The following IRAG2 variants were observed in gnomAD, a reference collection of about 807,000 sequenced individuals.
IRAG2 encodes the protein inositol 1,4,5-triphosphate receptor associated 2.
Under a neutral mutation model 69.9 loss-of-function variants are expected in IRAG2, and 45 were observed. The ratio of observed to expected loss-of-function variants is 0.64; its 90% CI spans 0.51 to 0.83. The LOEUF (loss-of-function observed/expected upper bound fraction) is 0.83, where lower values mean the gene tolerates loss of function less well. Among genes scored for constraint, IRAG2 ranks in the 40% least tolerant of loss-of-function variants. The pLI, the probability that IRAG2 is intolerant of heterozygous loss-of-function variation, is 0.00. For synonymous variants in IRAG2, 193 were observed against 202.4 expected (o/e 0.95, Z 0.40); for missense variants, 520 against 587.0 (o/e 0.89, Z 1.18).
chr12:25,058,176 G>A (rs1421121967), intron 1 of IRAG2, among the ~76,000 whole-genome samples: 1 of 152,156 alleles, frequency 6.6e-6, no homozygotes, highest in African/African-American at 2.4e-5. Flanking sequence ...CTGTCAAATG[G>A]TTTTCGGTAG....
At chr12:25,037,089 A>C (rs1027225163) in intron 15 of IRAG2, among the ~76,000 whole-genome samples, 1 of 152,172 alleles carries the variant, frequency 6.6e-6, no homozygotes, top group Non-Finnish European at 1.5e-5. Context: ...AACTTGCAGA[A>C]CATTGGAAAA....
At chr12:25,001,833 G>A (rs570691637), upstream of IRAG2, among the ~76,000 whole-genome samples, 198 of 149,172 alleles carry the variant, frequency 1.3e-3, no homozygotes, top group African/African-American at 4.7e-3. Context: ...ACAGTGGCAC[G>A]ATCTCAGCTC....
chr12:25,102,930 C>A (rs1209732676), intron 17 of IRAG2, among the ~76,000 whole-genome samples: 3 of 152,154 alleles, frequency 2.0e-5, no homozygotes, highest in Non-Finnish European at 4.4e-5. Flanking sequence ...ACTTTAAAAT[C>A]ATTCCATACA....
intron 10 of IRAG2, among the ~76,000 whole-genome samples, chr12:25,086,940 C>T (rs16928445): frequency 0.31 from 47,161 of 151,784 alleles, 7,824 homozygotes; most frequent in Admixed American, 0.45. Flanking sequence ...TATCTATATG[C>T]GGTAAAAGCC....
chr12:25,017,373 TCA>T lies in IRAG2; in HGVS notation c.1214+86_1214+87del. The T allele has an allele frequency of 2.7e-6, 3 of 1,104,230 alleles. No individual in the cohort carries two copies. The South Asian group carries it at 1.4e-4, about 52-fold the overall frequency. The allele number at this position is 1,104,230 out of a possible 1,614,324, so 68.4% of individuals were successfully genotyped here. On this transcript the variant is annotated intron_variant, in intron 6 of 38. Transcript: ENST00000636465. Reference sequence around the variant, plus strand: ...TAAAAAACCTTTTAAATATTGAGAGTCACACAGCATAAAATTCATTCTCTTAA... The same window carrying T: ...TAAAAAACCTTTTAAATATTGAGAGTCACAGCATAAAATTCATTCTCTTAA...
At chr12:25,011,835 T>C (rs859142) in intron 3 of IRAG2, among the ~76,000 whole-genome samples, 1,657 of 152,322 alleles carry the variant, frequency 0.011, 34 homozygotes, top group African/African-American at 0.038. Context: ...CATTCATTTC[T>C]TGTGATTAGT....
intron 13 of IRAG2, chr12:25,035,542 C>T (rs1168023967): frequency 5.0e-6 from 2 of 396,784 alleles, no homozygotes; most frequent in East Asian, 3.6e-5. Flanking sequence ...CTATTGAGAA[C>T]CAAATGACAA....
exon 1 of IRAG2, chr12:25,004,605 G>A (rs1305617807): frequency 2.5e-5 from 31 of 1,231,850 alleles, no homozygotes; most frequent in East Asian, 3.2e-5. Flanking sequence ...TCATTTCATC[G>A]CCTCAAATAA....
chr12:25,022,941 CA>C (rs1565528344), intron 7 of IRAG2, among the ~76,000 whole-genome samples: 2 of 152,270 alleles, frequency 1.3e-5, no homozygotes, highest in South Asian at 2.1e-4. Flanking sequence ...GCCTGGCCAA[CA>C]TGGTGAAACC....
chr12:25,005,086 A>G (rs1944420687), intron 1 of IRAG2, among the ~76,000 whole-genome samples: 1 of 151,978 alleles, frequency 6.6e-6, no homozygotes, highest in Non-Finnish European at 1.5e-5. Flanking sequence ...GAACGTCATG[A>G]TGGGAATACT....
At chr12:25,027,392 T>TTC (rs1281749622) in intron 9 of IRAG2, among the ~76,000 whole-genome samples, 1 of 141,998 alleles carries the variant, frequency 7.0e-6, no homozygotes, top group Non-Finnish European at 1.5e-5. Context: ...CTACCTCTTT[T>TTC]TTTTTCTTTT....
At chr12:24,998,690 A>ATT in the IRAG2 span, among the ~76,000 whole-genome samples, 2 of 148,188 alleles carry the variant, frequency 1.3e-5, no homozygotes, top group Non-Finnish European at 3.0e-5. Flanking sequence ...ACATACTTAA[A>ATT]TTTTTTTTTT....
At position 25,096,999 on chromosome 12, in the gene IRAG2, A is replaced by G. The variant is rs781606979; in HGVS notation, c.696A>G (p.Ala232=). ...GTATAAAGTTTCTTAGCCAGTGTGC[A>G]GCACGAGTGGCCAGTAGGGCTGAGA... ...EKSIKFLSQC[A]ARVASRAEML... Residue 232 remains alanine (A), a synonymous_variant, in exon 15 of 22, where the codon GCA becomes GCG. Transcript: ENST00000556887. 8.1e-6 allele frequency: 13 copies of G among 1,613,630 alleles called. No homozygotes were observed. Among genetic ancestry groups the G allele is most frequent in the Non-Finnish European group, 8.5e-6 (10 of 1,179,808 alleles).
intron 21 of IRAG2, 88 bp downstream of exon 21, chr12:25,107,138 C>T (rs142506527): frequency 1.4e-5 from 8 of 569,200 alleles, no homozygotes; most frequent in African/African-American, 1.4e-4. Context: ...AATCAAATTA[C>T]TAAAAGACAT....
upstream of IRAG2, among the ~76,000 whole-genome samples, chr12:25,002,649 CT>C (rs374969962): frequency 2.3e-4 from 33 of 145,468 alleles, no homozygotes; most frequent in Admixed American, 2.8e-4. Flanking sequence ...TTCTTCTTTT[CT>C]TTTTTTTTTT....
intron 5 of IRAG2, chr12:25,015,532 T>G (rs12320298): frequency 0.031 from 20,540 of 658,752 alleles, 723 homozygotes; most frequent in African/African-American, 0.15. Flanking sequence ...TTGCTCTTTT[T>G]TTGCAGTAGA....
chr12:25,004,736 C>G, exon 1 of IRAG2: 1 of 1,232,136 alleles, frequency 8.1e-7, no homozygotes, highest in South Asian at 4.1e-5. Context: ...AAGAATTATA[C>G]ATCTTTGATG....
At chr12:25,048,646 C>G (rs1457529920), upstream of IRAG2, among the ~76,000 whole-genome samples, 2 of 152,104 alleles carry the variant, frequency 1.3e-5, no homozygotes, top group African/African-American at 2.4e-5. Context: ...AAGTTCCTTG[C>G]AGACTCTGGA....
intron 14 of IRAG2, among the ~76,000 whole-genome samples, chr12:25,035,940 C>T (rs1198569965): frequency 6.6e-6 from 1 of 152,190 alleles, no homozygotes; most frequent in Non-Finnish European, 1.5e-5. Context: ...TTTTCTCAAA[C>T]CTTTCTGAAG....
Sources: allele counts gnomAD v4.1 joint callset (sites outside exome capture counted in the v4.1 genomes callset), GRCh38; gene constraint gnomAD v4.1.1; transcripts MANE v1.5; gene names NCBI Gene and HGNC (gene_info 2026-07-23, HGNC 2026-07-21).